Variants in GRIA4 observed in about 807,000 individuals in gnomAD.
GRIA4 encodes the protein glutamate ionotropic receptor AMPA type subunit 4.
A neutral mutation model predicts 104.0 loss-of-function variants in GRIA4; 34 were observed. The ratio of observed to expected loss-of-function variants is 0.33; its 90% CI spans 0.25 to 0.44. The LOEUF is 0.44. Among genes scored for constraint, GRIA4 ranks in the 20% least tolerant of loss-of-function variants. GRIA4 has a pLI of 1.00. For missense variants in GRIA4, 750 were observed against 1,096.5 expected, an observed-to-expected ratio of 0.68 and a Z score of 4.46; for synonymous variants, 386 against 381.9, an observed-to-expected ratio of 1.01 and a Z score of -0.13.
rs142397387 is a variant in GRIA4 at position 105,862,085 on chromosome 11, T to C, written c.549T>C (p.Ala183=). The stretch of plus-strand genomic sequence containing the variant: ...GACAAAATGGTTGGCATGTCAGCGC[T>C]ATATGTGTGGAAAATTTTAATGATG... The part of the protein sequence containing the change: ...KAGQNGWHVS[A]ICVENFNDVS... The change falls in exon 5 of 17, where the codon GCT becomes GCC. Residue 183 remains alanine (A), a synonymous_variant. Transcript: ENST00000282499. 3.5e-5 allele frequency: 56 copies of C among 1,611,288 alleles called. No homozygotes were observed. In the Admixed American group the frequency reaches 9.3e-4, roughly 27 times the overall value.
intron 4 of GRIA4, among the ~76,000 whole-genome samples, chr11:105,823,787 G>T (rs556633622): frequency 7.4e-4 from 112 of 152,050 alleles, no homozygotes; most frequent in Admixed American, 1.9e-3. Context: ...ATGTTTCATG[G>T]GCTGAATTGT....
intron 3 of GRIA4, among the ~76,000 whole-genome samples, chr11:105,700,369 G>A (rs1298405247): frequency 2.0e-5 from 3 of 152,146 alleles, no homozygotes; most frequent in Non-Finnish European, 2.9e-5. Flanking sequence ...GTTGGCAATT[G>A]CAAGCTGATG....
chr11:105,878,677 C>T (rs1215077798), intron 5 of GRIA4, among the ~76,000 whole-genome samples: 3 of 152,166 alleles, frequency 2.0e-5, no homozygotes, highest in Non-Finnish European at 4.4e-5. Flanking sequence ...TGGTGTGCTC[C>T]GCCCAGTTCA....
At chr11:105,702,693 TC>T (rs57551152) in intron 3 of GRIA4, among the ~76,000 whole-genome samples, 42,989 of 99,640 alleles carry the variant, frequency 0.43, 10,521 homozygotes, top group Admixed American at 0.52. Context: ...TATTTTCCTT[TC>T]TTTTTTTTTT....
At chr11:105,612,786 G>A (rs1159071143) in intron 3 of GRIA4, 4 of 184,372 alleles carry the variant, frequency 2.2e-5, no homozygotes, top group East Asian at 2.8e-4. Context: ...TTGTACTCAA[G>A]CTAGTTTTTT....
chr11:105,892,533 A>C (rs573404736), intron 6 of GRIA4, among the ~76,000 whole-genome samples: 1 of 152,176 alleles, frequency 6.6e-6, no homozygotes, highest in Admixed American at 6.5e-5. Flanking sequence ...ATTAGGATAC[A>C]GAGAGCAAAG....
intron 5 of GRIA4, among the ~76,000 whole-genome samples, chr11:105,872,893 A>AT (rs945059657): frequency 4.6e-5 from 7 of 151,860 alleles, no homozygotes; most frequent in Non-Finnish European, 1.0e-4. Context: ...TTTACTGAGA[A>AT]TTTTTTCACA....
chr11:105,778,533 C>T (rs1591240342), intron 4 of GRIA4, among the ~76,000 whole-genome samples: 4 of 152,214 alleles, frequency 2.6e-5, no homozygotes, highest in Admixed American at 2.6e-4. Flanking sequence ...GGTGAAACCC[C>T]GTTTCTATTA....
chr11:105,637,214 T>C (rs1200541801), intron 3 of GRIA4, among the ~76,000 whole-genome samples: 1 of 152,186 alleles, frequency 6.6e-6, no homozygotes, highest in Non-Finnish European at 1.5e-5. Flanking sequence ...TCCTTAACAT[T>C]GGAAGTGGAA....
intron 3 of GRIA4, among the ~76,000 whole-genome samples, chr11:105,733,029 CTT>C (rs1938701393): frequency 6.6e-6 from 1 of 152,108 alleles, no homozygotes; most frequent in African/African-American, 2.4e-5. Flanking sequence ...TGTTGTATCT[CTT>C]ATATTATCTT....
chr11:105,688,810 A>G (rs1219648945), intron 3 of GRIA4, among the ~76,000 whole-genome samples: 1 of 152,164 alleles, frequency 6.6e-6, no homozygotes, highest in African/African-American at 2.4e-5. Flanking sequence ...GGTTGTTGGT[A>G]ACGCCATAAT....
intron 3 of GRIA4, among the ~76,000 whole-genome samples, chr11:105,629,872 C>A (rs1187858327): frequency 6.6e-6 from 1 of 152,154 alleles, no homozygotes; most frequent in East Asian, 1.9e-4. Flanking sequence ...TGAAAATAAG[C>A]TTTAATGAAC....
At chr11:105,796,583 T>C (rs1942487641) in intron 4 of GRIA4, among the ~76,000 whole-genome samples, 1 of 152,200 alleles carries the variant, frequency 6.6e-6, no homozygotes, top group Non-Finnish European at 1.5e-5. Context: ...TTTCTCCATC[T>C]TCCTGTGAGG....
At chr11:105,641,047 A>G (rs1189645694) in intron 3 of GRIA4, among the ~76,000 whole-genome samples, 1 of 152,114 alleles carries the variant, frequency 6.6e-6, no homozygotes, top group Non-Finnish European at 1.5e-5. Context: ...ACATTGCTCT[A>G]TAGCTATTAA....
At chr11:105,769,004 A>AGT (rs1364223024) in intron 4 of GRIA4, among the ~76,000 whole-genome samples, 1 of 152,082 alleles carries the variant, frequency 6.6e-6, no homozygotes, top group African/African-American at 2.4e-5. Flanking sequence ...GTTGAAATAG[A>AGT]GTAGAAGAGG....
intron 10 of GRIA4, chr11:105,912,171 T>C (rs1366689983): frequency 9.8e-7 from 1 of 1,016,340 alleles, no homozygotes; most frequent in African/African-American, 1.7e-5. Flanking sequence ...TTCCCCTATC[T>C]TGAAATGAGG....
chr11:105,903,521 C>G (rs1488563678), intron 7 of GRIA4, among the ~76,000 whole-genome samples: 1 of 152,104 alleles, frequency 6.6e-6, no homozygotes, highest in African/African-American at 2.4e-5. Context: ...AACAGAAAGG[C>G]CTTGCCTAGG....
At chr11:105,634,431 G>A (rs781088430) in intron 3 of GRIA4, among the ~76,000 whole-genome samples, 5 of 137,360 alleles carry the variant, frequency 3.6e-5, no homozygotes, top group South Asian at 2.3e-4. Context: ...GAAAGGAAGG[G>A]AGGAGAAAGG....
chr11:105,801,768 G>T (rs1019340569), intron 4 of GRIA4, among the ~76,000 whole-genome samples: 1 of 152,066 alleles, frequency 6.6e-6, no homozygotes, highest in Non-Finnish European at 1.5e-5. Flanking sequence ...CTAACAATAA[G>T]TGTTATAATG....
Sources: allele counts gnomAD v4.1 joint callset (sites outside exome capture counted in the v4.1 genomes callset), GRCh38; gene constraint gnomAD v4.1.1; transcripts MANE v1.5; gene names NCBI Gene and HGNC (gene_info 2026-07-23, HGNC 2026-07-21).